Variants in TLL1 observed in about 807,000 individuals in gnomAD.
The protein encoded by TLL1 is tolloid-like protein 1.
TLL1 carries 49 observed loss-of-function variants against 128.2 expected under a neutral mutation model. The ratio of observed to expected loss-of-function variants is 0.38; its 90% CI spans 0.30 to 0.48. The LOEUF (loss-of-function observed/expected upper bound fraction) is 0.48, where lower values mean the gene tolerates loss of function less well. Among genes scored for constraint, TLL1 ranks in the 20% least tolerant of loss-of-function variants. The pLI is 0.96. For missense variants in TLL1, 1,123 were observed against 1,242.0 expected, an observed-to-expected ratio of 0.90 and a Z score of 1.44; for synonymous variants, 454 against 418.8, an observed-to-expected ratio of 1.08 and a Z score of -1.03.
chr4:166,082,362 C>T (rs1232385071), intron 18 of TLL1, among the ~76,000 whole-genome samples: 3 of 152,092 alleles, frequency 2.0e-5, no homozygotes, highest in African/African-American at 4.8e-5. Flanking sequence ...CTCCAAGTAA[C>T]ATTTTTGTTC....
intron 1 of TLL1, among the ~76,000 whole-genome samples, chr4:165,976,351 A>G (rs946747072): frequency 2.0e-5 from 3 of 152,228 alleles, no homozygotes; most frequent in African/African-American, 7.2e-5. Context: ...AAAGAAATAC[A>G]GTCTGAAAGT....
chr4:166,065,832 C>G lies in TLL1; in HGVS notation c.2157C>G (p.Ser719=), dbSNP rs571861610. ...RIEFKSDNTV[S]KKGFKAHFFS... ...AATTCAAATCTGACAATACTGTATC[C>G]AAGAAGGGCTTCAAAGCACATTTTT... The change falls in exon 16 of 21, where the codon TCC becomes TCG. Residue 719 remains serine (S), a synonymous_variant. Transcript: ENST00000061240. 35 of 1,612,790 alleles carry G rather than the reference C, an allele frequency of 2.2e-5. No individual in the cohort carries two copies. The East Asian group carries it at 5.8e-4, about 27-fold the overall frequency.
At chr4:166,070,695 A>G (rs529128826) in intron 16 of TLL1, among the ~76,000 whole-genome samples, 32 of 152,030 alleles carry the variant, frequency 2.1e-4, no homozygotes, top group Non-Finnish European at 4.1e-4. Context: ...TAATGTGTGC[A>G]TTGCAATCTG....
intron 1 of TLL1, among the ~76,000 whole-genome samples, chr4:165,963,656 T>C (rs956936025): frequency 1.3e-5 from 2 of 152,150 alleles, no homozygotes; most frequent in Admixed American, 6.6e-5. Context: ...TTTGGAAGAC[T>C]GAAAGGACCA....
At chr4:166,049,841 G>A (rs1739630503) in intron 12 of TLL1, among the ~76,000 whole-genome samples, 1 of 151,540 alleles carries the variant, frequency 6.6e-6, no homozygotes, top group Admixed American at 6.6e-5. Flanking sequence ...AATGATAAAT[G>A]CTCATTTGCA....
intron 1 of TLL1, among the ~76,000 whole-genome samples, chr4:165,939,290 A>G (rs934030375): frequency 6.6e-6 from 1 of 152,106 alleles, no homozygotes; most frequent in East Asian, 1.9e-4. Flanking sequence ...TCTTCTTGAT[A>G]TGGGGCAGGA....
At chr4:165,878,179 A>G (rs960027544) in intron 1 of TLL1, among the ~76,000 whole-genome samples, 8 of 152,142 alleles carry the variant, frequency 5.3e-5, no homozygotes, top group African/African-American at 1.9e-4. Flanking sequence ...TTCTAGCTGA[A>G]CTGGCCATTT....
At chr4:165,903,662 C>T (rs1213024398) in intron 1 of TLL1, among the ~76,000 whole-genome samples, 5 of 151,624 alleles carry the variant, frequency 3.3e-5, no homozygotes, top group Non-Finnish European at 5.9e-5. Flanking sequence ...CTGCCTGCCT[C>T]GGCCTCCCAA....
At chr4:166,036,311 C>A (rs911004844) in intron 9 of TLL1, among the ~76,000 whole-genome samples, 1 of 152,278 alleles carries the variant, frequency 6.6e-6, no homozygotes, top group East Asian at 1.9e-4. Context: ...ATCTATTCAA[C>A]GTTGCAACTT....
At chr4:165,912,883 C>T (rs1732601054) in intron 1 of TLL1, among the ~76,000 whole-genome samples, 1 of 134,968 alleles carries the variant, frequency 7.4e-6, no homozygotes, top group Non-Finnish European at 1.6e-5. Flanking sequence ...CTTATCTTAC[C>T]ATAGAAAGAA....
At chr4:165,934,690 T>A (rs1733688617) in intron 1 of TLL1, among the ~76,000 whole-genome samples, 1 of 152,232 alleles carries the variant, frequency 6.6e-6, no homozygotes, top group Admixed American at 6.5e-5. Flanking sequence ...CTGGGTTGAT[T>A]TGATTCCAAC....
chr4:166,045,271 A>C (rs932783401), intron 12 of TLL1, among the ~76,000 whole-genome samples: 1 of 152,088 alleles, frequency 6.6e-6, no homozygotes, highest in African/African-American at 2.4e-5. Flanking sequence ...TTGTCTTTAC[A>C]TGACCAAAAC....
At chr4:166,065,208 G>A (rs1241396332) in intron 15 of TLL1, among the ~76,000 whole-genome samples, 1 of 152,080 alleles carries the variant, frequency 6.6e-6, no homozygotes, top group Admixed American at 6.6e-5. Context: ...TAACTTCACA[G>A]CACTCAGCAA....
intron 18 of TLL1, among the ~76,000 whole-genome samples, chr4:166,080,338 T>C (rs1029235409): frequency 2.0e-5 from 3 of 152,116 alleles, no homozygotes; most frequent in Non-Finnish European, 2.9e-5. Flanking sequence ...ACATATCACA[T>C]TGGGGGTTCG....
intron 12 of TLL1, among the ~76,000 whole-genome samples, chr4:166,047,122 C>G (rs147176442): frequency 0.015 from 2,286 of 151,834 alleles, 56 homozygotes; most frequent in African/African-American, 0.05. Flanking sequence ...TTCACTGATT[C>G]TAGTCTTTGC....
At chr4:166,021,432 CTTTTT>C (rs113942126) in intron 8 of TLL1, among the ~76,000 whole-genome samples, 1 of 120,446 alleles carries the variant, frequency 8.3e-6, no homozygotes. Context: ...TTATTTTTGC[CTTTTT>C]TTTTTTTTTT....
At position 166,057,313 on chromosome 4, in the gene TLL1, T is replaced by TATAC. The variant is rs1488745045; in HGVS notation, c.1846+4_1846+5insATAC. On this transcript the variant is annotated splice_donor_region_variant and intron_variant, in intron 14 of 20. Coordinates refer to ENST00000061240, the MANE Select transcript of TLL1 (RefSeq NM_012464.5). The stretch of plus-strand genomic sequence containing the variant: ...CCAGACAGAAGGAGCTGTGAAGGTA[T>TATAC]GACTGCACTCCTTCCTGGACCCCCA... 6.2e-7 allele frequency: 1 copy of TATAC among 1,613,782 alleles called. No individual in the cohort carries two copies. The highest frequency in any genetic ancestry group is 1.7e-5 in the Admixed American group (1 of 59,960).
intron 1 of TLL1, among the ~76,000 whole-genome samples, chr4:165,946,977 T>C (rs1018012571): frequency 1.3e-5 from 2 of 152,130 alleles, no homozygotes; most frequent in African/African-American, 4.8e-5. Flanking sequence ...TTTTAAGTGA[T>C]GAACTTGGAT....
At chr4:166,044,492 C>A in intron 12 of TLL1, 1 of 1,364,356 alleles carries the variant, frequency 7.3e-7, no homozygotes, top group Non-Finnish European at 1.0e-6. Context: ...TTTAACTTCC[C>A]AGATGTATTT....
Sources: gnomAD v4.1 joint callset for allele counts (sites outside exome capture counted in the v4.1 genomes callset) on GRCh38, gnomAD v4.1.1 for gene constraint, MANE v1.5 for transcripts, NCBI Gene and HGNC (gene_info 2026-07-23, HGNC 2026-07-21) for gene names.